Variants in XYLT1 observed in about 807,000 individuals in gnomAD.
XYLT1 encodes xylosyltransferase 1.
A neutral mutation model predicts 91.3 loss-of-function variants in XYLT1; 36 were observed. The ratio of observed to expected loss-of-function variants is 0.39; its 90% CI spans 0.30 to 0.52. XYLT1 has a LOEUF of 0.52. Among genes scored for constraint, XYLT1 ranks in the 20% least tolerant of loss-of-function variants. The probability of loss-of-function intolerance (pLI) is 0.68; values close to 1 mark genes in which losing one functional copy is unlikely to be tolerated. For missense variants in XYLT1, 1,242 were observed against 1,284.5 expected (o/e 0.97, Z 0.51); for synonymous variants, 588 against 532.0 (o/e 1.11, Z -1.45).
intron 2 of XYLT1, among the ~76,000 whole-genome samples, chr16:17,271,423 G>A (rs1188758940): frequency 6.6e-6 from 1 of 151,972 alleles, no homozygotes; most frequent in Non-Finnish European, 1.5e-5. Context: ...GATACAGAGA[G>A]AGACACAGAG....
At chr16:17,123,530 G>T (rs1021068617) in intron 10 of XYLT1, among the ~76,000 whole-genome samples, 1 of 152,192 alleles carries the variant, frequency 6.6e-6, no homozygotes, top group Non-Finnish European at 1.5e-5. Context: ...ACTGTGGTCT[G>T]AGAGAGTATG....
intron 11 of XYLT1, among the ~76,000 whole-genome samples, chr16:17,112,895 A>C (rs1966845008): frequency 2.8e-5 from 4 of 143,280 alleles, no homozygotes; most frequent in Admixed American, 1.4e-4. Context: ...GCTGGAGTGC[A>C]ATGGCATGAT....
In XYLT1 at chr16:17,169,135, C is replaced by T. The variant is rs187497651; in HGVS notation, c.1290-10226G>A. Among the ~76,000 whole-genome samples, 26 of 152,298 alleles carry T rather than the reference C, an allele frequency of 1.7e-4. No individual in the cohort carries two copies. The East Asian group carries it at 2.1e-3, about 12-fold the overall frequency. On this transcript the variant is annotated intron_variant, in intron 5 of 11. Coordinates refer to ENST00000261381, the MANE Select transcript of XYLT1 (RefSeq NM_022166.4). ...GGTTGTGGCACCTGTCCTCAAGGAA[C>T]GCACAGAACACTGGGGGATGCAGAC...
chr16:17,181,804 C>A (rs940569710), intron 5 of XYLT1, among the ~76,000 whole-genome samples: 1 of 152,008 alleles, frequency 6.6e-6, no homozygotes, highest in African/African-American at 2.4e-5. Flanking sequence ...GGTACTTAAG[C>A]CTCTTGGGGC....
chr16:17,188,825 G>A (rs2032246116), intron 5 of XYLT1, among the ~76,000 whole-genome samples: 1 of 152,146 alleles, frequency 6.6e-6, no homozygotes, highest in South Asian at 2.1e-4. Context: ...CCATTATTAT[G>A]CCCATTTTAC....
At chr16:17,148,969 G>T (rs1415754938) in intron 6 of XYLT1, among the ~76,000 whole-genome samples, 2 of 152,234 alleles carry the variant, frequency 1.3e-5, no homozygotes, top group African/African-American at 4.8e-5. Context: ...AGGCTATGAG[G>T]AAGGGGCAGC....
chr16:17,166,203 C>G (rs924134724), intron 5 of XYLT1, among the ~76,000 whole-genome samples: 1 of 152,198 alleles, frequency 6.6e-6, no homozygotes, highest in African/African-American at 2.4e-5. Flanking sequence ...AGGGCAGAAC[C>G]ATCCTCTCCC....
chr16:17,177,034 G>C (rs2031960610), intron 5 of XYLT1, among the ~76,000 whole-genome samples: 1 of 152,042 alleles, frequency 6.6e-6, no homozygotes, highest in Non-Finnish European at 1.5e-5. Flanking sequence ...CATTCTATTG[G>C]CTTATCCCCT....
chr16:17,331,311 G>A (rs1037916101), intron 2 of XYLT1, among the ~76,000 whole-genome samples: 5 of 152,192 alleles, frequency 3.3e-5, no homozygotes, highest in East Asian at 1.9e-4. Context: ...GGACAGTGGC[G>A]TCAGAACAAG....
chr16:17,119,814 C>T (rs1313802435), intron 10 of XYLT1, among the ~76,000 whole-genome samples: 1 of 152,230 alleles, frequency 6.6e-6, no homozygotes, highest in Non-Finnish European at 1.5e-5. Flanking sequence ...GCTGCATTCT[C>T]ATCCACTGTG....
chr16:17,202,071 T>C (rs767847383), intron 3 of XYLT1, among the ~76,000 whole-genome samples: 3 of 152,210 alleles, frequency 2.0e-5, no homozygotes, highest in South Asian at 4.1e-4. Context: ...TTTCTTTCTC[T>C]TGCTTCAGAT....
intron 3 of XYLT1, among the ~76,000 whole-genome samples, chr16:17,207,847 A>G (rs2032683882): frequency 6.6e-6 from 1 of 152,048 alleles, no homozygotes; most frequent in Admixed American, 6.6e-5. Flanking sequence ...CACAGAGGGG[A>G]GCTGAAAGAA....
Position 17,259,401 on chromosome 16 carries a change from T to G in XYLT1, c.500A>C (p.Asn167Thr). 3 of 1,614,212 alleles carry G rather than the reference T, an allele frequency of 1.9e-6. No individual in the cohort carries two copies. Among genetic ancestry groups the G allele is most frequent in the East Asian group, 2.2e-5 (1 of 44,888 alleles). The change falls in exon 3 of 12, where the codon AAC becomes ACC. Residue 167 changes from asparagine to threonine, a missense_variant. Physicochemically the swap from Asn to Thr is moderately conservative, Grantham distance 65. Around this residue, in one of 3 missense-constraint regions of XYLT1, gnomAD observed 437 missense variants for 411.5 expected, o/e 1.06. Coordinates refer to ENST00000261381, the MANE Select transcript of XYLT1 (RefSeq NM_022166.4). ...CTGCTTTTGAGTCCTGGGTGCGAAG[T>G]TGCTGTTGTCGACATTCTCAAAGTC... ...PKDFENVDNS[N>T]FAPRTQKQKH... is the part of the protein sequence containing the mutation.
At chr16:17,115,510 C>T (rs1213235223) in intron 11 of XYLT1, among the ~76,000 whole-genome samples, 3 of 149,862 alleles carry the variant, frequency 2.0e-5, no homozygotes, top group African/African-American at 4.9e-5. Context: ...GACAGAACCT[C>T]GCTCTGTCAC....
intron 3 of XYLT1, among the ~76,000 whole-genome samples, chr16:17,202,869 G>A (rs148654609): frequency 7.2e-5 from 11 of 151,868 alleles, no homozygotes; most frequent in Non-Finnish European, 7.4e-5. Context: ...TCTGGTTCTC[G>A]GTGAAACAAA....
intron 1 of XYLT1, among the ~76,000 whole-genome samples, chr16:17,451,771 G>C (rs943214360): frequency 6.6e-6 from 1 of 152,086 alleles, no homozygotes; most frequent in Non-Finnish European, 1.5e-5. Flanking sequence ...CCAGGGACCT[G>C]CTCCCCAGAG....
At chr16:17,465,500 T>C (rs2036881730) in intron 1 of XYLT1, among the ~76,000 whole-genome samples, 1 of 150,892 alleles carries the variant, frequency 6.6e-6, no homozygotes, top group Non-Finnish European at 1.5e-5. Flanking sequence ...TAGTTTTAAC[T>C]TTTTATCAGT....
In XYLT1 at chr16:17,433,072, G is replaced by A. The variant is rs2036411017; in HGVS notation, c.363+37362C>T. Among the ~76,000 whole-genome samples, 2 of 152,068 alleles carry A rather than the reference G, an allele frequency of 1.3e-5. 1 individual carries two copies. On this transcript the variant is annotated intron_variant, in intron 1 of 11. Coordinates refer to ENST00000261381, the MANE Select transcript of XYLT1 (RefSeq NM_022166.4). Reference sequence around the variant, plus strand: ...TAAGCCCTGAGGAGAATGGGAATCAGGAGTGACGGTAATGATGACAAAGGC... The same window carrying A: ...TAAGCCCTGAGGAGAATGGGAATCAAGAGTGACGGTAATGATGACAAAGGC...
chr16:17,353,348 G>T (rs375084429), intron 2 of XYLT1, among the ~76,000 whole-genome samples: 2 of 152,158 alleles, frequency 1.3e-5, no homozygotes, highest in African/African-American at 2.4e-5. Context: ...TGTTGAGGGT[G>T]GGGGAAGTGA....
Sources: gnomAD v4.1 joint callset for allele counts (sites outside exome capture counted in the v4.1 genomes callset) on GRCh38, gnomAD v4.1.1 for gene constraint, gnomAD v4.1.1 regional missense constraint, MANE v1.5 for transcripts, NCBI Gene and HGNC (gene_info 2026-07-23, HGNC 2026-07-21) for gene names.